Variants in SUPT20H observed in about 807,000 individuals in gnomAD.
SUPT20H encodes transcription factor SPT20 homolog.
A neutral mutation model predicts 122.8 loss-of-function variants in SUPT20H; 82 were observed. The observed-to-expected ratio is 0.67, with a 90% confidence interval of 0.56 to 0.80. The LOEUF is 0.80. SUPT20H is among the 30% of genes least tolerant of loss of function. The probability of loss-of-function intolerance (pLI) is 0.00; values close to 1 mark genes in which losing one functional copy is unlikely to be tolerated. For synonymous variants in SUPT20H, 291 were observed against 313.0 expected, an observed-to-expected ratio of 0.93 and a Z score of 0.74; for missense variants, 831 against 921.6, an observed-to-expected ratio of 0.90 and a Z score of 1.27.
chr13:37,053,763 C>T (rs1034278491), intron 1 of SUPT20H, among the ~76,000 whole-genome samples: 3 of 151,706 alleles, frequency 2.0e-5, no homozygotes, highest in East Asian at 3.9e-4. Flanking sequence ...CGAAACCTCA[C>T]TCCTTGGGTA....
chr13:37,010,780 A>G (rs1353728314), intron 24 of SUPT20H, 125 bp from the exon 25 acceptor site: 1 of 634,680 alleles, frequency 1.6e-6, no homozygotes, highest in Non-Finnish European at 2.7e-6. Flanking sequence ...TAAGTATCAA[A>G]TCATAGACAT....
rs1036081317 is a variant in SUPT20H, at chr13:37,022,348, T to C, written c.1592-268A>G. The C allele has an allele frequency of 1.3e-5, 18 of 1,358,128 alleles. No homozygotes were observed. The highest frequency in any genetic ancestry group is 1.6e-5 in the Non-Finnish European group (17 of 1,055,292). 84.1% of individuals were successfully genotyped at this position (1,358,128 alleles called of 1,614,324 possible). On this transcript the variant is annotated intron_variant, in intron 19 of 25. Transcript: ENST00000350612. The surrounding 1 kb of genome is among the most constrained non-coding windows in gnomAD (Gnocchi z 4.5). ...CATTGAGAAAAATAAAAATTGCTAGTTTGTTATAAATGGCCAGTCCTTTTA... is the reference window on the plus strand; with the variant it reads ...CATTGAGAAAAATAAAAATTGCTAGCTTGTTATAAATGGCCAGTCCTTTTA...
chr13:37,054,568 G>A (rs9603134), intron 1 of SUPT20H, among the ~76,000 whole-genome samples: 3 of 152,022 alleles, frequency 2.0e-5, no homozygotes, highest in South Asian at 2.1e-4. Flanking sequence ...ATTCAACAAC[G>A]CTTCATGCTA....
intron 9 of SUPT20H, among the ~76,000 whole-genome samples, chr13:37,034,173 A>T (rs1243527004): frequency 6.6e-6 from 1 of 152,218 alleles, no homozygotes; most frequent in Non-Finnish European, 1.5e-5. Flanking sequence ...TGAAAGGAAG[A>T]GTCACACATC....
At chr13:37,020,674 T>A (rs2061346062) in intron 21 of SUPT20H, among the ~76,000 whole-genome samples, 1 of 152,236 alleles carries the variant, frequency 6.6e-6, no homozygotes, top group African/African-American at 2.4e-5. Context: ...GTTAGCATGT[T>A]TAATTATATT....
At chr13:37,055,741 A>G (rs1183610122) in intron 1 of SUPT20H, among the ~76,000 whole-genome samples, 2 of 152,194 alleles carry the variant, frequency 1.3e-5, no homozygotes, top group Non-Finnish European at 2.9e-5. Flanking sequence ...CAAAAGCAAT[A>G]GCAACAAAAG....
At position 37,040,239 on chromosome 13, in the gene SUPT20H, A is replaced by G. The variant is rs944397205; in HGVS notation, c.567+166T>C. ...CAACTTGAGGGATTACTACACATAT[A>G]AAGAGACCCTTAACTTCTAGATCTT... is the stretch of plus-strand genomic sequence containing the variant. On this transcript the variant is annotated intron_variant, in intron 9 of 25. Coordinates refer to ENST00000350612, the MANE Select transcript of SUPT20H (RefSeq NM_001014286.3). 1.4e-5 allele frequency: 9 copies of G among 621,958 alleles called. No individual in the cohort carries two copies. The African/African-American group carries it at 1.5e-4, about 11-fold the overall frequency. The allele number at this position is 621,958 out of a possible 1,614,324, so 38.5% of individuals were successfully genotyped here. A position where few individuals can be genotyped will look rare whatever the true frequency, so the allele number is the denominator to read the frequency against.
At chr13:37,019,189 G>A (rs367970140) in intron 22 of SUPT20H, among the ~76,000 whole-genome samples, 153 bp downstream of exon 22, 1 of 152,062 alleles carries the variant, frequency 6.6e-6, no homozygotes, top group Admixed American at 6.6e-5. Flanking sequence ...CTCTTTATCC[G>A]CTTGATCATA....
rs1233473894 is a variant in SUPT20H at position 37,017,319 on chromosome 13, G to A, written c.1918C>T (p.Gln640Ter). 6.2e-7 allele frequency: 1 copy of A among 1,613,954 alleles called. No individual in the cohort carries two copies. Among genetic ancestry groups the A allele is most frequent in the Non-Finnish European group, 8.5e-7 (1 of 1,179,962 alleles). ...TGTGGTGTAAACTGGGAGAGCTGCT[G>A]TTGCTGCTGCTGCAGAGTGTTAAAA... The part of the protein sequence containing the change: ...LIFNTLQQQQ[Q>*]QLSQFTPQQP... The change falls in exon 23 of 26, where the codon CAG becomes TAG. Residue 640 changes from glutamine (Q) to a stop codon, truncating the protein, a stop_gained. Transcript: ENST00000350612. LOFTEE classifies it high-confidence loss of function.
intron 23 of SUPT20H, among the ~76,000 whole-genome samples, chr13:37,014,689 G>A (rs763326018): frequency 1.3e-5 from 2 of 152,118 alleles, no homozygotes; most frequent in Non-Finnish European, 2.9e-5. Flanking sequence ...TGTGGAAAGT[G>A]GCTTAAGCAG....
At chr13:37,053,596 C>G (rs137855427) in intron 1 of SUPT20H, among the ~76,000 whole-genome samples, 1 of 151,518 alleles carries the variant, frequency 6.6e-6, no homozygotes, top group African/African-American at 2.4e-5. Context: ...ACCTAGATGA[C>G]GGGTTGATAG....
Position 37,048,566 on chromosome 13 carries a change from C to A in SUPT20H, c.37G>T (p.Glu13Ter). Residue 13 changes from glutamate to a stop codon, truncating the protein, a stop_gained and splice_region_variant, in exon 3 of 26, where the codon GAG becomes TAG. Coordinates refer to ENST00000350612, the MANE Select transcript of SUPT20H (RefSeq NM_001014286.3). LOFTEE classifies it high-confidence loss of function. ...QALELALDRAEYVIESARQRP... is the reference protein window; with the variant it reads ...QALELALDRA Reference sequence around the variant, plus strand: ...TATGTAACTTAGTCACACCTCACCTCTGCACGATCCAAAGCTAGTTCTAAA... The same window carrying A: ...TATGTAACTTAGTCACACCTCACCTATGCACGATCCAAAGCTAGTTCTAAA... 6.2e-7 allele frequency: 1 copy of A among 1,601,040 alleles called. No homozygotes were observed. Among genetic ancestry groups the A allele is most frequent in the Non-Finnish European group, 8.5e-7 (1 of 1,174,558 alleles).
chr13:37,023,974 T>C (rs940097811), intron 19 of SUPT20H, 61 bp downstream of exon 19: 1 of 1,528,016 alleles, frequency 6.5e-7, no homozygotes, highest in African/African-American at 1.4e-5. Flanking sequence ...AAAAGCTGTC[T>C]TAAGAAACAC....
chr13:37,043,826 C>G (rs1162274183), intron 7 of SUPT20H, among the ~76,000 whole-genome samples: 1 of 150,336 alleles, frequency 6.7e-6, no homozygotes, highest in Non-Finnish European at 1.5e-5. Flanking sequence ...GCTCAAACTC[C>G]TGGGCTCAAG....
At chr13:37,025,636 T>C (rs573402417) in intron 16 of SUPT20H, among the ~76,000 whole-genome samples, 199 bp from the exon 17 acceptor site, 3 of 152,298 alleles carry the variant, frequency 2.0e-5, no homozygotes, top group Non-Finnish European at 2.9e-5. Context: ...GTCCAAAACA[T>C]TGTGCTAAAT....
chr13:37,048,904 G>A lies in SUPT20H; in HGVS notation c.4-305C>T, dbSNP rs556825836. On this transcript the variant is annotated intron_variant, in intron 2 of 25. Coordinates refer to ENST00000350612, the MANE Select transcript of SUPT20H (RefSeq NM_001014286.3). ...TCACTTCATAGACATTAATTTTTAA[G>A]AGCACCATTCAAAAAAATATACTGG... 7.6e-4 allele frequency among the ~76,000 whole-genome samples: 115 copies of A among 151,690 alleles called. 2 individuals carry two copies. The highest frequency in any genetic ancestry group is 2.6e-3 in the African/African-American group (108 of 41,404).
At chr13:37,015,613 G>C (rs1476000918) in intron 23 of SUPT20H, among the ~76,000 whole-genome samples, 1 of 152,100 alleles carries the variant, frequency 6.6e-6, no homozygotes, top group Non-Finnish European at 1.5e-5. Flanking sequence ...AGCCACTATG[G>C]AAAACAGTAT....
chr13:37,024,216 TC>T lies in SUPT20H; in HGVS notation c.1433-24del, dbSNP rs1566172904. ...TACCTAGAAGAACATAAAAGTTATT[TC>T]CTAAATTTATAATTCAAACTTCTGT... is the stretch of plus-strand genomic sequence containing the variant. On this transcript the variant is annotated intron_variant, in intron 18 of 25. Transcript: ENST00000350612. 4 of 1,588,204 alleles carry T rather than the reference TC, an allele frequency of 2.5e-6. No homozygotes were observed. The African/African-American group carries it at 4.1e-5, about 16-fold the overall frequency.
chr13:37,055,515 GA>G (rs1168843175), intron 1 of SUPT20H, among the ~76,000 whole-genome samples: 1 of 152,180 alleles, frequency 6.6e-6, no homozygotes, highest in Admixed American at 6.5e-5. Context: ...AAGCAATGGG[GA>G]AAGGATTCCC....
Sources: allele counts gnomAD v4.1 joint callset (sites outside exome capture counted in the v4.1 genomes callset), GRCh38; gene constraint gnomAD v4.1.1; non-coding constraint Gnocchi (gnomAD v3.1); transcripts MANE v1.5; gene names NCBI Gene and HGNC (gene_info 2026-07-23, HGNC 2026-07-21).